AMOTL1: variants seen among roughly 807,000 people sequenced by gnomAD.
AMOTL1 encodes the protein angiomotin like 1.
A neutral mutation model predicts 102.9 loss-of-function variants in AMOTL1; 45 were observed. The observed-to-expected ratio is 0.44, with a 90% CI of 0.34 to 0.56. AMOTL1 has a LOEUF of 0.56. AMOTL1 is among the 20% of genes least tolerant of loss of function. The pLI is 0.01. For synonymous variants in AMOTL1, 481 were observed against 484.7 expected (o/e 0.99, Z 0.10); for missense variants, 1,114 against 1,225.6 (o/e 0.91, Z 1.36).
At chr11:94,787,559 G>A (rs961783802) in intron 1 of AMOTL1, among the ~76,000 whole-genome samples, 21 of 151,142 alleles carry the variant, frequency 1.4e-4, no homozygotes, top group Non-Finnish European at 2.4e-4. Flanking sequence ...ATGGTGGCGC[G>A]CGCCTGTAGT....
At chr11:94,719,537 T>C (rs939589647) in intron 1 of AMOTL1, among the ~76,000 whole-genome samples, 4 of 151,458 alleles carry the variant, frequency 2.6e-5, no homozygotes, top group African/African-American at 9.7e-5. Flanking sequence ...AATCAAGATA[T>C]ATTAGTAAGA....
chr11:94,757,629 A>C (rs1950742782), intron 3 of AMOTL1, among the ~76,000 whole-genome samples: 1 of 152,344 alleles, frequency 6.6e-6, no homozygotes, highest in African/African-American at 2.4e-5. Flanking sequence ...CAGGCCACTA[A>C]GAGTCCCCAG....
chr11:94,761,819 G>A (rs982192804), intron 3 of AMOTL1, among the ~76,000 whole-genome samples: 2 of 152,202 alleles, frequency 1.3e-5, no homozygotes, highest in African/African-American at 4.8e-5. Flanking sequence ...TTAAAAAGGT[G>A]TAAGACCTGT....
chr11:94,831,418 C>A, intron 5 of AMOTL1, 34 bp from the exon 6 acceptor site: 1 of 1,526,104 alleles, frequency 6.6e-7, no homozygotes, highest in South Asian at 1.1e-5. Flanking sequence ...AATCCATATA[C>A]ATTTCTTTGT....
chr11:94,800,340 G>T, intron 3 of AMOTL1, 29 bp downstream of exon 3: 2 of 1,535,990 alleles, frequency 1.3e-6, no homozygotes, highest in Non-Finnish European at 8.7e-7. Context: ...CGTTTCGTGC[G>T]GCTTTTCAAA....
intron 1 of AMOTL1, among the ~76,000 whole-genome samples, chr11:94,770,251 G>A (rs1165646266): frequency 1.3e-5 from 2 of 152,190 alleles, no homozygotes; most frequent in Admixed American, 6.5e-5. Context: ...GGTGCTCTGA[G>A]CCTTATAGTG....
rs190641145 is a variant in AMOTL1, at chr11:94,822,020, G to T, written c.1413+199G>T. On this transcript the variant is annotated intron_variant, in intron 4 of 12. Transcript: ENST00000433060. The stretch of plus-strand genomic sequence containing the variant: ...TACATTCCAAAAAGGGGAGAGAGTT[G>T]CATATGCTACCTTCAGTAAGAGTGT... 1.8e-3 allele frequency among the ~76,000 whole-genome samples: 280 copies of T among 152,308 alleles called. 2 individuals are homozygous for T. The highest frequency in any genetic ancestry group is 6.3e-3 in the African/African-American group (263 of 41,564).
At chr11:94,830,267 G>T (rs985036300) in intron 5 of AMOTL1, 73 bp downstream of exon 5, 9 of 1,426,074 alleles carry the variant, frequency 6.3e-6, no homozygotes, top group South Asian at 1.5e-5. Flanking sequence ...CGACTTCAAG[G>T]CCAGAGTGCT....
intron 2 of AMOTL1, among the ~76,000 whole-genome samples, chr11:94,738,335 G>A (rs563980923): frequency 9.6e-4 from 144 of 150,782 alleles, no homozygotes; most frequent in Non-Finnish European, 1.7e-3. Context: ...TCTGCTCACT[G>A]CAACCTCCAC....
upstream of AMOTL1, among the ~76,000 whole-genome samples, chr11:94,763,462 A>G (rs2135504289): frequency 6.6e-6 from 1 of 152,296 alleles, no homozygotes; most frequent in South Asian, 2.1e-4. Flanking sequence ...AGGAAAAAAC[A>G]CACTAGAGTT....
At chr11:94,812,552 G>A (rs569509022) in intron 3 of AMOTL1, among the ~76,000 whole-genome samples, 1 of 152,378 alleles carries the variant, frequency 6.6e-6, no homozygotes, top group East Asian at 1.9e-4. Context: ...ATTTTGAGTT[G>A]TGTCTGTCCT....
chr11:94,853,306 C>T (rs1421693483), intron 7 of AMOTL1, among the ~76,000 whole-genome samples: 3 of 152,120 alleles, frequency 2.0e-5, no homozygotes, highest in African/African-American at 4.8e-5. Context: ...CCCTCACCCC[C>T]GGCCCCCAAC....
In AMOTL1 at chr11:94,840,679, TATACACACAC is replaced by T. The variant is rs1157964572; in HGVS notation, c.1648+9140_1648+9149del. 1.0e-4 allele frequency among the ~76,000 whole-genome samples: 13 copies of T among 129,368 alleles called. No homozygotes were observed. In the South Asian group the frequency reaches 1.3e-3, roughly 13 times the overall value. 84.9% of individuals were successfully genotyped at this position (129,368 alleles called of 152,430 possible). A position where few individuals can be genotyped will look rare whatever the true frequency, so the allele number is the denominator to read the frequency against. On this transcript the variant is annotated intron_variant, in intron 6 of 12. Transcript: ENST00000433060. ...GTATATATATATATATATATATATA[TATACACACAC>T]ACACACACACACACACACATATATA...
upstream of AMOTL1, among the ~76,000 whole-genome samples, chr11:94,765,370 G>A (rs1263380933): frequency 1.3e-5 from 2 of 152,198 alleles, no homozygotes; most frequent in Non-Finnish European, 2.9e-5. Context: ...TGTGCTTACT[G>A]AAAGATGTTA....
At position 94,843,975 on chromosome 11, in the gene AMOTL1, C is replaced by T. The variant is rs150530473; in HGVS notation, c.1649-6139C>T. 1.6e-3 allele frequency among the ~76,000 whole-genome samples: 247 copies of T among 152,298 alleles called. 1 individual carries two copies. Among genetic ancestry groups the T allele is most frequent in the Non-Finnish European group, 2.6e-3 (180 of 68,026 alleles). On this transcript the variant is annotated intron_variant, in intron 6 of 12. Coordinates refer to ENST00000433060, the MANE Select transcript of AMOTL1 (RefSeq NM_130847.3). ...CATAGAGGGCCTGGACACTGTTGTACATGGCTCCCATCAGTCTCCCTACTC... is the reference window on the plus strand; with the variant it reads ...CATAGAGGGCCTGGACACTGTTGTATATGGCTCCCATCAGTCTCCCTACTC...
At chr11:94,723,927 C>T (rs145958297) in intron 1 of AMOTL1, among the ~76,000 whole-genome samples, 1 of 152,232 alleles carries the variant, frequency 6.6e-6, no homozygotes, top group Non-Finnish European at 1.5e-5. Flanking sequence ...ACTTTTCAAG[C>T]TTAGAAACGG....
chr11:94,710,163 T>C (rs977788609), intron 1 of AMOTL1, among the ~76,000 whole-genome samples: 1 of 151,988 alleles, frequency 6.6e-6, no homozygotes. Context: ...ATCCTCCACA[T>C]GGAATTTGTT....
intron 3 of AMOTL1, among the ~76,000 whole-genome samples, chr11:94,752,696 A>T (rs1236386705): frequency 6.6e-6 from 1 of 152,230 alleles, no homozygotes; most frequent in Non-Finnish European, 1.5e-5. Flanking sequence ...ATTACTGGGA[A>T]GAGTGGACAC....
intron 1 of AMOTL1, among the ~76,000 whole-genome samples, chr11:94,716,514 A>G (rs2135436096): frequency 6.6e-6 from 1 of 152,240 alleles, no homozygotes; most frequent in East Asian, 1.9e-4. Flanking sequence ...GGCTTAGCGT[A>G]TAAGTTCTGG....
Sources: gnomAD v4.1 joint callset for allele counts (sites outside exome capture counted in the v4.1 genomes callset) on GRCh38, gnomAD v4.1.1 for gene constraint, MANE v1.5 for transcripts, NCBI Gene and HGNC (gene_info 2026-07-23, HGNC 2026-07-21) for gene names.